Variants in BTBD10 observed in about 807,000 individuals in gnomAD.
BTBD10 encodes the protein BTB/POZ domain-containing protein 10.
Under a neutral mutation model 53.2 loss-of-function variants are expected in BTBD10, and 21 were observed. The observed-to-expected ratio is 0.39, with a 90% CI of 0.28 to 0.57. The LOEUF (loss-of-function observed/expected upper bound fraction) is 0.57, where lower values mean the gene tolerates loss of function less well. Among genes scored for constraint, BTBD10 ranks in the 20% least tolerant of loss-of-function variants. The probability of loss-of-function intolerance (pLI) is 0.53; values close to 1 mark genes in which losing one functional copy is unlikely to be tolerated. For synonymous variants in BTBD10, 149 were observed against 192.7 expected (o/e 0.77, Z 1.88); for missense variants, 360 against 594.7 (o/e 0.61, Z 4.10).
chr11:13,458,621 G>T (rs1025816060), intron 1 of BTBD10, among the ~76,000 whole-genome samples: 4 of 152,054 alleles, frequency 2.6e-5, no homozygotes, highest in Non-Finnish European at 5.9e-5. Context: ...TCCAAAAATT[G>T]GAGTATTAAT....
chr11:13,418,349 A>G (rs948887607), intron 4 of BTBD10, among the ~76,000 whole-genome samples: 4 of 152,146 alleles, frequency 2.6e-5, no homozygotes, highest in Admixed American at 6.5e-5. Context: ...ACTTTTTACA[A>G]AAGGGGAAAG....
intron 5 of BTBD10, among the ~76,000 whole-genome samples, chr11:13,416,465 A>C (rs1950115485): frequency 6.6e-6 from 1 of 152,206 alleles, no homozygotes; most frequent in African/African-American, 2.4e-5. Flanking sequence ...ACTGCTAGTT[A>C]TGTGCAATAA....
chr11:13,451,477 T>C (rs750713113), intron 1 of BTBD10, among the ~76,000 whole-genome samples: 1 of 152,004 alleles, frequency 6.6e-6, no homozygotes, highest in African/African-American at 2.4e-5. Context: ...ACCACCAAAT[T>C]ACAGGTGCAG....
rs771981722 is a variant in BTBD10 at position 13,419,503 on chromosome 11, C to G, written c.541G>C (p.Asp181His). 1 of 1,613,976 alleles carries G rather than the reference C, an allele frequency of 6.2e-7. No individual in the cohort carries two copies. The highest frequency in any genetic ancestry group is 8.5e-7 in the Non-Finnish European group (1 of 1,179,948). ...LIVDNTRFVV[D>H]PSIFTAQPNT... ...GGCTGTGCAGTAAAAATGGATGGGT[C>G]TACAACAAATCTAGTGTTATCCACT... Residue 181 changes from aspartate to histidine, a missense_variant, in exon 4 of 9, where the codon GAC becomes CAC. Coordinates refer to ENST00000278174, the MANE Select transcript of BTBD10 (RefSeq NM_032320.7).
intron 1 of BTBD10, among the ~76,000 whole-genome samples, chr11:13,457,103 A>C (rs1950985544): frequency 6.6e-6 from 1 of 152,142 alleles, no homozygotes; most frequent in Non-Finnish European, 1.5e-5. Context: ...TGAAGGCTGC[A>C]GTGAGCGGTG....
At chr11:13,390,066 A>AATT (rs986419329) in intron 8 of BTBD10, among the ~76,000 whole-genome samples, 4 of 151,816 alleles carry the variant, frequency 2.6e-5, no homozygotes, top group Non-Finnish European at 5.9e-5. Context: ...AGTCACTTAA[A>AATT]AGTAAGGACA....
At chr11:13,461,172 A>G (rs1429384794) in intron 1 of BTBD10, among the ~76,000 whole-genome samples, 1 of 152,178 alleles carries the variant, frequency 6.6e-6, no homozygotes, top group Non-Finnish European at 1.5e-5. Context: ...AAAATTTATT[A>G]ATTTTGATTT....
intron 1 of BTBD10, among the ~76,000 whole-genome samples, chr11:13,455,327 A>G (rs1003391192): frequency 6.6e-6 from 1 of 152,222 alleles, no homozygotes. Context: ...CTTTGTGCTA[A>G]TTGATTTTAT....
chr11:13,455,002 C>A (rs1483947540), intron 1 of BTBD10, among the ~76,000 whole-genome samples: 3 of 152,190 alleles, frequency 2.0e-5, no homozygotes, highest in Non-Finnish European at 4.4e-5. Context: ...CCTCTGCCTC[C>A]CGGGTTCAAG....
At chr11:13,432,855 G>C (rs1239540216) in intron 2 of BTBD10, among the ~76,000 whole-genome samples, 3 of 151,486 alleles carry the variant, frequency 2.0e-5, no homozygotes, top group Non-Finnish European at 4.4e-5. Context: ...AATGAAGGAG[G>C]TCAACATTCA....
intron 1 of BTBD10, among the ~76,000 whole-genome samples, chr11:13,459,210 C>T (rs971757475): frequency 6.6e-6 from 1 of 151,220 alleles, no homozygotes; most frequent in Non-Finnish European, 1.5e-5. Flanking sequence ...GCGCCCGCCA[C>T]TACGCCCGGC....
At chr11:13,418,971 C>CTTTTT (rs11423580) in intron 4 of BTBD10, among the ~76,000 whole-genome samples, 3 of 125,432 alleles carry the variant, frequency 2.4e-5, no homozygotes, top group African/African-American at 6.0e-5. Flanking sequence ...GTTGACATTC[C>CTTTTT]TTTTTTTTTT....
At chr11:13,423,337 GA>G (rs1399394888) in intron 2 of BTBD10, among the ~76,000 whole-genome samples, 2 of 152,078 alleles carry the variant, frequency 1.3e-5, no homozygotes, top group Non-Finnish European at 2.9e-5. Context: ...TAATATTCTG[GA>G]AACTTAGGTT....
intron 6 of BTBD10, among the ~76,000 whole-genome samples, chr11:13,412,696 TG>T (rs1291747645): frequency 6.6e-6 from 1 of 152,236 alleles, no homozygotes; most frequent in Admixed American, 6.5e-5. Flanking sequence ...ATCTACTCTT[TG>T]TAAATCATTT....
intron 2 of BTBD10, among the ~76,000 whole-genome samples, chr11:13,436,493 G>A (rs1004057171): frequency 6.6e-6 from 1 of 152,152 alleles, no homozygotes; most frequent in Non-Finnish European, 1.5e-5. Context: ...CAACAACAAT[G>A]CGAACACTTG....
rs1434506956 is a variant in BTBD10 at position 13,400,914 on chromosome 11, G to T, written c.1117+2254C>A. Among the ~76,000 whole-genome samples, 5 of 152,094 alleles carry T rather than the reference G, an allele frequency of 3.3e-5. No homozygotes were observed. The East Asian group carries it at 9.6e-4, about 29-fold the overall frequency. On this transcript the variant is annotated intron_variant, in intron 8 of 8. Transcript: ENST00000278174. ...TAAATAAGGAACTATTCTAGATTGAGAAATTTGACAAAACAAGCAGTTAGT... is the reference window on the plus strand; with the variant it reads ...TAAATAAGGAACTATTCTAGATTGATAAATTTGACAAAACAAGCAGTTAGT...
chr11:13,411,692 T>C (rs1292004580), intron 6 of BTBD10, among the ~76,000 whole-genome samples: 1 of 152,192 alleles, frequency 6.6e-6, no homozygotes, highest in Non-Finnish European at 1.5e-5. Context: ...TCACATCATC[T>C]GTAAAAAATT....
At chr11:13,444,957 CAGT>C in intron 2 of BTBD10, 64 bp downstream of exon 2, 1 of 1,236,554 alleles carries the variant, frequency 8.1e-7, no homozygotes, top group South Asian at 1.4e-5. Context: ...CAACCAAATG[CAGT>C]AGTATTCTTT....
chr11:13,429,222 G>T (rs1950402679), intron 2 of BTBD10, among the ~76,000 whole-genome samples: 1 of 152,106 alleles, frequency 6.6e-6, no homozygotes, highest in Non-Finnish European at 1.5e-5. Flanking sequence ...TTCTCCCTAA[G>T]TTCATCTACT....
Sources: allele counts gnomAD v4.1 joint callset (sites outside exome capture counted in the v4.1 genomes callset), GRCh38; gene constraint gnomAD v4.1.1; transcripts MANE v1.5; gene names NCBI Gene and HGNC (gene_info 2026-07-23, HGNC 2026-07-21).